Variants in NEGR1 observed in about 807,000 individuals in gnomAD.
The protein encoded by NEGR1 is neuronal growth regulator 1.
A neutral mutation model predicts 40.9 loss-of-function variants in NEGR1; 10 were observed. The ratio of observed to expected loss-of-function variants is 0.24; its 90% CI spans 0.15 to 0.42. The LOEUF (loss-of-function observed/expected upper bound fraction) is 0.42. NEGR1 is among the 10% of genes least tolerant of loss of function. NEGR1 has a pLI of 1.00. For synonymous variants in NEGR1, 185 were observed against 166.8 expected, an observed-to-expected ratio of 1.11 and a Z score of -0.84; for missense variants, 352 against 438.9, an observed-to-expected ratio of 0.80 and a Z score of 1.77.
At chr1:72,213,861 T>C (rs1367885241) in intron 1 of NEGR1, among the ~76,000 whole-genome samples, 1 of 152,044 alleles carries the variant, frequency 6.6e-6, no homozygotes, top group African/African-American at 2.4e-5. Context: ...CCTAATTCAT[T>C]TTATGAGGCC....
chr1:71,971,719 G>C (rs556168358), intron 1 of NEGR1, among the ~76,000 whole-genome samples: 14 of 152,192 alleles, frequency 9.2e-5, no homozygotes, highest in African/African-American at 3.1e-4. Context: ...TAAAATATTT[G>C]CCTTTATGGC....
intron 1 of NEGR1, among the ~76,000 whole-genome samples, chr1:72,132,833 A>C (rs563936990): frequency 9.2e-5 from 14 of 152,288 alleles, no homozygotes; most frequent in African/African-American, 3.4e-4. Context: ...GATTTTAAAG[A>C]TATATTAGTA....
At position 71,959,244 on chromosome 1, in the gene NEGR1, C is replaced by A. The variant is rs149525259; in HGVS notation, c.177-23933G>T. Among the ~76,000 whole-genome samples, 378 of 152,210 alleles carry A rather than the reference C, an allele frequency of 2.5e-3. 5 individuals are homozygous for A. In the East Asian group the frequency reaches 0.053, roughly 21 times the overall value. ...TATATAAAAATCCCTCCCTTGAATT[C>A]CAGATCCTTGGAGACAAACACCCAC... On this transcript the variant is annotated intron_variant, in intron 1 of 6. Transcript: ENST00000357731.
intron 6 of NEGR1, among the ~76,000 whole-genome samples, chr1:71,507,597 A>C (rs2101410877): frequency 6.6e-6 from 1 of 152,308 alleles, no homozygotes; most frequent in African/African-American, 2.4e-5. Flanking sequence ...CATTCAAGTA[A>C]ATTTCACAGA....
intron 1 of NEGR1, among the ~76,000 whole-genome samples, chr1:71,994,453 G>A (rs927313451): frequency 5.3e-5 from 8 of 151,828 alleles, no homozygotes; most frequent in Non-Finnish European, 7.4e-5. Context: ...GCCTGAACCC[G>A]GGAGGCGGAG....
intron 4 of NEGR1, among the ~76,000 whole-genome samples, chr1:71,675,405 G>T (rs918558988): frequency 2.0e-5 from 3 of 149,096 alleles, no homozygotes; most frequent in Admixed American, 1.4e-4. Context: ...AGAGAGAAAG[G>T]TATATATAGA....
chr1:71,809,570 C>G (rs1183072777), intron 2 of NEGR1, among the ~76,000 whole-genome samples: 3 of 152,092 alleles, frequency 2.0e-5, no homozygotes, highest in African/African-American at 7.2e-5. Context: ...TGAACAACCA[C>G]AATCTAAAAA....
intron 1 of NEGR1, among the ~76,000 whole-genome samples, chr1:72,244,681 T>G (rs1010326051): frequency 6.6e-6 from 1 of 152,018 alleles, no homozygotes; most frequent in Non-Finnish European, 1.5e-5. Flanking sequence ...GTTAGAGTCC[T>G]GTATCTCCTG....
At chr1:72,271,385 A>G (rs1397225979) in intron 1 of NEGR1, among the ~76,000 whole-genome samples, 3 of 151,842 alleles carry the variant, frequency 2.0e-5, no homozygotes, top group Non-Finnish European at 4.4e-5. Flanking sequence ...TTGCTTCCTT[A>G]TAATGCTGAG....
chr1:71,783,287 G>C (rs1039585287), intron 2 of NEGR1, among the ~76,000 whole-genome samples: 2 of 151,956 alleles, frequency 1.3e-5, no homozygotes, highest in African/African-American at 2.4e-5. Flanking sequence ...TTCAGTATTG[G>C]CCTGCCCCCA....
chr1:71,737,451 G>T (rs1010850865), intron 3 of NEGR1, among the ~76,000 whole-genome samples: 33 of 150,502 alleles, frequency 2.2e-4, no homozygotes, highest in African/African-American at 6.6e-4. Flanking sequence ...TGTTTTTGTT[G>T]TAGCAACAAA....
At chr1:71,412,384 A>C (rs1646328996) in intron 6 of NEGR1, among the ~76,000 whole-genome samples, 1 of 152,186 alleles carries the variant, frequency 6.6e-6, no homozygotes, top group African/African-American at 2.4e-5. Flanking sequence ...TCTAAGAAAA[A>C]TTATTAGTCT....
intron 6 of NEGR1, among the ~76,000 whole-genome samples, chr1:71,591,606 T>C (rs1246228630): frequency 6.6e-6 from 1 of 152,130 alleles, no homozygotes; most frequent in African/African-American, 2.4e-5. Context: ...GTTTATATTA[T>C]TCATAATTTC....
chr1:71,668,396 C>T (rs1652309332), intron 4 of NEGR1, among the ~76,000 whole-genome samples: 1 of 152,138 alleles, frequency 6.6e-6, no homozygotes, highest in South Asian at 2.1e-4. Flanking sequence ...TACTGCCAGG[C>T]TGATAGAGGA....
intron 2 of NEGR1, among the ~76,000 whole-genome samples, chr1:71,820,478 T>C (rs1448233499): frequency 2.0e-5 from 3 of 152,012 alleles, no homozygotes; most frequent in Non-Finnish European, 4.4e-5. Flanking sequence ...ATCTAGATAA[T>C]TTGATGGCTG....
intron 1 of NEGR1, among the ~76,000 whole-genome samples, chr1:72,174,686 C>A (rs1206128618): frequency 6.6e-6 from 1 of 151,992 alleles, no homozygotes; most frequent in Non-Finnish European, 1.5e-5. Context: ...ATTACTCTTT[C>A]CAAATAATGT....
chr1:71,475,480 G>A (rs963190287), intron 6 of NEGR1, among the ~76,000 whole-genome samples: 55 of 151,918 alleles, frequency 3.6e-4, no homozygotes, highest in Admixed American at 2.0e-3. Flanking sequence ...ATATTTGTAC[G>A]CTAACAATAT....
At chr1:71,514,919 T>G (rs1557552082) in intron 6 of NEGR1, among the ~76,000 whole-genome samples, 1 of 101,416 alleles carries the variant, frequency 9.9e-6, no homozygotes, top group Non-Finnish European at 1.9e-5. Context: ...GAGAACTACG[T>G]GAAGAATGCA....
intron 5 of NEGR1, among the ~76,000 whole-genome samples, chr1:71,593,321 T>C (rs1649570330): frequency 6.6e-6 from 1 of 152,094 alleles, no homozygotes; most frequent in Admixed American, 6.6e-5. Flanking sequence ...GAAATAAATA[T>C]AAAGATTCCA....
Sources: gnomAD v4.1 joint callset for allele counts (sites outside exome capture counted in the v4.1 genomes callset) on GRCh38, gnomAD v4.1.1 for gene constraint, MANE v1.5 for transcripts, NCBI Gene and HGNC (gene_info 2026-07-23, HGNC 2026-07-21) for gene names.